The following GLIS3 variants were observed in gnomAD, a reference collection of about 807,000 sequenced individuals.
GLIS3 encodes GLIS family zinc finger 3.
In GLIS3, 53 loss-of-function variants were observed where a neutral mutation model predicts 78.6. That is an observed-to-expected ratio of 0.67 (90% CI 0.54 to 0.85). GLIS3 has a LOEUF of 0.85. Ranked by LOEUF, GLIS3 falls within the 40% of genes least tolerant of loss-of-function variation. GLIS3 has a pLI of 0.00. For missense variants in GLIS3, 1,703 were observed against 1,231.1 expected, an observed-to-expected ratio of 1.38 and a Z score of -5.74; for synonymous variants, 684 against 509.9, an observed-to-expected ratio of 1.34 and a Z score of -4.60.
chr9:4,361,118 C>T, the GLIS3 span, among the ~76,000 whole-genome samples: 35 of 152,180 alleles, frequency 2.3e-4, no homozygotes, highest in Admixed American at 1.3e-4. Context: ...ACTTTAGGGC[C>T]GATGCACTCA....
At chr9:3,978,672 C>G (rs537034505) in intron 4 of GLIS3, among the ~76,000 whole-genome samples, 23 of 151,808 alleles carry the variant, frequency 1.5e-4, no homozygotes, top group African/African-American at 5.6e-4. Context: ...TGAACATGTA[C>G]TTTCTATATA....
intron 2 of GLIS3, among the ~76,000 whole-genome samples, chr9:4,319,775 C>G (rs1275577254): frequency 1.3e-5 from 2 of 152,116 alleles, no homozygotes; most frequent in Non-Finnish European, 2.9e-5. Flanking sequence ...GCTATCCTCC[C>G]ACCTCAGTCT....
At chr9:4,219,325 G>T (rs941118933) in intron 2 of GLIS3, among the ~76,000 whole-genome samples, 5 of 152,204 alleles carry the variant, frequency 3.3e-5, no homozygotes, top group African/African-American at 1.2e-4. Context: ...TTTTAACTTA[G>T]AACTTTTTAA....
At chr9:4,425,623 A>G in the GLIS3 span, among the ~76,000 whole-genome samples, 1 of 152,248 alleles carries the variant, frequency 6.6e-6, no homozygotes, top group Non-Finnish European at 1.5e-5. Flanking sequence ...AGATCCTTCC[A>G]GACAGCTGTC....
At chr9:4,264,261 C>G (rs1825784841) in intron 2 of GLIS3, among the ~76,000 whole-genome samples, 1 of 152,140 alleles carries the variant, frequency 6.6e-6, no homozygotes. Context: ...CTCAGCAAGT[C>G]CCATTGGCTC....
intron 2 of GLIS3, among the ~76,000 whole-genome samples, chr9:4,198,287 G>C (rs1199584590): frequency 6.6e-6 from 1 of 152,104 alleles, no homozygotes. Flanking sequence ...TGAAAGAAAA[G>C]ATAAACATCT....
At chr9:3,886,919 C>CT (rs1822118991) in intron 7 of GLIS3, among the ~76,000 whole-genome samples, 1 of 152,170 alleles carries the variant, frequency 6.6e-6, no homozygotes, top group African/African-American at 2.4e-5. Context: ...AGCTGGTTTT[C>CT]TTTTTTCCTT....
chr9:4,485,473 C>T, the GLIS3 span, among the ~76,000 whole-genome samples: 1 of 152,144 alleles, frequency 6.6e-6, no homozygotes, highest in Admixed American at 6.5e-5. Flanking sequence ...CTTCATCCAA[C>T]CAGCAGCATC....
intron 4 of GLIS3, among the ~76,000 whole-genome samples, chr9:4,001,021 G>C (rs1204080104): frequency 6.6e-6 from 1 of 152,142 alleles, no homozygotes; most frequent in Non-Finnish European, 1.5e-5. Context: ...TGTGTTTTCA[G>C]CTCAGTTAAA....
chr9:4,041,844 A>G (rs955340139), intron 4 of GLIS3, among the ~76,000 whole-genome samples: 1 of 152,184 alleles, frequency 6.6e-6, no homozygotes, highest in African/African-American at 2.4e-5. Flanking sequence ...TTTTCTGCAC[A>G]TAAGACAATA....
rs913308071 is a variant in GLIS3 at position 4,207,591 on chromosome 9, G to C, written c.388+78447C>G. Among the ~76,000 whole-genome samples the C allele has an allele frequency of 7.2e-5, 11 of 152,160 alleles. 1 individual carries two copies. Among genetic ancestry groups the C allele is most frequent in the Non-Finnish European group, 1.5e-5 (1 of 68,024 alleles). On this transcript the variant is annotated intron_variant, in intron 2 of 10. Coordinates refer to ENST00000381971, the MANE Select transcript of GLIS3 (RefSeq NM_001042413.2). ...TTACTACGTGCCTTACACATAGTAA[G>C]ATCTTCACAGACATTATTGCCTTTA...
chr9:4,436,738 A>C, the GLIS3 span, among the ~76,000 whole-genome samples: 1 of 142,528 alleles, frequency 7.0e-6, no homozygotes, highest in African/African-American at 2.6e-5. Flanking sequence ...CCCAGGAGGC[A>C]GATGTTGCAG....
chr9:4,026,680 T>C (rs540028945), intron 4 of GLIS3, among the ~76,000 whole-genome samples: 1 of 152,336 alleles, frequency 6.6e-6, no homozygotes, highest in African/African-American at 2.4e-5. Context: ...AGTAGATATT[T>C]TGACATCTCT....
At chr9:4,489,460 A>T in the GLIS3 span, among the ~76,000 whole-genome samples, 4 of 152,198 alleles carry the variant, frequency 2.6e-5, no homozygotes, top group Admixed American at 2.6e-4. Context: ...TTCCAGGCTC[A>T]CTTAACTTTA....
chr9:4,325,588 A>G (rs927625485), intron 2 of GLIS3, among the ~76,000 whole-genome samples: 1 of 152,174 alleles, frequency 6.6e-6, no homozygotes, highest in Admixed American at 6.6e-5. Context: ...AATAACCTCC[A>G]GGATGCCTTT....
the GLIS3 span, among the ~76,000 whole-genome samples, chr9:4,359,195 C>G: frequency 1.3e-5 from 2 of 151,882 alleles, no homozygotes; most frequent in African/African-American, 4.8e-5. Flanking sequence ...TTCAGGAACG[C>G]CCACCGCTCT....
At chr9:3,870,203 T>C (rs145822492) in intron 8 of GLIS3, among the ~76,000 whole-genome samples, 194 of 152,296 alleles carry the variant, frequency 1.3e-3, no homozygotes, top group South Asian at 2.9e-3. Context: ...CCTGTGAGAC[T>C]ACAAAATTAG....
intron 2 of GLIS3, among the ~76,000 whole-genome samples, chr9:4,151,639 T>C (rs987233395): frequency 7.9e-5 from 12 of 152,348 alleles, no homozygotes; most frequent in African/African-American, 2.4e-4. Flanking sequence ...AGTTTTGCAC[T>C]GAGGGGATTT....
At chr9:3,877,059 ATTC>A (rs1821364045) in intron 8 of GLIS3, among the ~76,000 whole-genome samples, 1 of 152,128 alleles carries the variant, frequency 6.6e-6, no homozygotes, top group Non-Finnish European at 1.5e-5. Context: ...TTTGTCTTAT[ATTC>A]TTGTTAAGAG....
Sources: gnomAD v4.1 joint callset for allele counts (sites outside exome capture counted in the v4.1 genomes callset) on GRCh38, gnomAD v4.1.1 for gene constraint, MANE v1.5 for transcripts, NCBI Gene and HGNC (gene_info 2026-07-23, HGNC 2026-07-21) for gene names.